The following POLR1A variants were observed in gnomAD, a reference collection of about 807,000 sequenced individuals.
POLR1A encodes RNA polymerase I subunit A, also known as DNA-directed RNA polymerase I subunit RPA1.
Under a neutral mutation model 205.3 loss-of-function variants are expected in POLR1A, and 84 were observed. The observed-to-expected ratio is 0.41, with a 90% CI of 0.34 to 0.49. The LOEUF is 0.49. Among genes scored for constraint, POLR1A ranks in the 20% least tolerant of loss-of-function variants. POLR1A has a pLI of 0.22. For missense variants in POLR1A, 1,645 were observed against 2,204.5 expected, an observed-to-expected ratio of 0.75 and a Z score of 5.08; for synonymous variants, 799 against 863.7, an observed-to-expected ratio of 0.93 and a Z score of 1.31.
At chr2:86,071,891 GGAAT>G (rs1439153373) in intron 12 of POLR1A, among the ~76,000 whole-genome samples, 1 of 152,188 alleles carries the variant, frequency 6.6e-6, no homozygotes, top group Non-Finnish European at 1.5e-5. Context: ...GTAGTACAAA[GGAAT>G]TATGAAGACT....
intron 33 of POLR1A, 130 bp downstream of exon 33, chr2:86,027,755 C>T (rs1342977079): frequency 2.0e-5 from 21 of 1,073,802 alleles, no homozygotes; most frequent in East Asian, 9.8e-5. Context: ...CCCCTCCAGC[C>T]GCCCCCGCTC....
At chr2:86,049,938 G>A (rs1472514542) in intron 16 of POLR1A, among the ~76,000 whole-genome samples, 4 of 151,354 alleles carry the variant, frequency 2.6e-5, no homozygotes, top group Non-Finnish European at 4.4e-5. Context: ...TGTTTTTTGA[G>A]ACTGAGTCTT....
At position 86,080,858 on chromosome 2, in the gene POLR1A, T is replaced by C; in HGVS notation, c.1044A>G (p.Glu348=). ...TGGCCACTTCCTCTGGCAACTTCTG[T>C]TCTTGGGCCATCAATGCCAGAAGTT... ...IRKLLALMAQ[E]QKLPEEVATP... Residue 348 remains glutamate (E), a synonymous_variant, in exon 9 of 34, where the codon GAA becomes GAG. Coordinates refer to ENST00000263857, the MANE Select transcript of POLR1A (RefSeq NM_015425.6). The C allele has an allele frequency of 6.2e-7, 1 of 1,614,016 alleles. No individual in the cohort carries two copies. The highest frequency in any genetic ancestry group is 8.5e-7 in the Non-Finnish European group (1 of 1,179,952).
At chr2:86,086,217 C>G (rs1352352375) in intron 6 of POLR1A, among the ~76,000 whole-genome samples, 1 of 152,196 alleles carries the variant, frequency 6.6e-6, no homozygotes, top group Non-Finnish European at 1.5e-5. Context: ...CGCCACCACA[C>G]CCGGCTAATT....
chr2:86,044,584 C>T (rs971465274), intron 21 of POLR1A, among the ~76,000 whole-genome samples: 7 of 152,244 alleles, frequency 4.6e-5, no homozygotes, highest in Non-Finnish European at 8.8e-5. Flanking sequence ...TCCCATCTAG[C>T]CCCAGCTGCT....
At chr2:86,097,802 G>A (rs764909499) in intron 3 of POLR1A, among the ~76,000 whole-genome samples, 1 of 152,176 alleles carries the variant, frequency 6.6e-6, no homozygotes, top group African/African-American at 2.4e-5. Context: ...AATTAGACAG[G>A]AGGAATAAAT....
At chr2:86,089,748 G>A in intron 4 of POLR1A, 74 bp downstream of exon 4, 1 of 950,212 alleles carries the variant, frequency 1.1e-6, no homozygotes, top group Non-Finnish European at 1.7e-6. Context: ...AGAAGTATAT[G>A]CAAAGGACAA....
chr2:86,064,655 T>C (rs923433742), intron 14 of POLR1A, among the ~76,000 whole-genome samples: 4 of 152,142 alleles, frequency 2.6e-5, no homozygotes, highest in Non-Finnish European at 5.9e-5. Flanking sequence ...CCAACAAATA[T>C]TACTATTACT....
intron 14 of POLR1A, among the ~76,000 whole-genome samples, chr2:86,055,830 C>G (rs1431195386): frequency 6.6e-6 from 1 of 152,226 alleles, no homozygotes; most frequent in Non-Finnish European, 1.5e-5. Flanking sequence ...CTAACATGCT[C>G]AATGATAGAA....
Position 86,028,492 on chromosome 2 carries a change from T to C in POLR1A, c.4897+102A>G, listed in dbSNP as rs745507929. On this transcript the variant is annotated intron_variant, in intron 32 of 33. Transcript: ENST00000263857. The surrounding 1 kb of genome is among the most constrained non-coding windows in gnomAD (Gnocchi z 4.5). ...TGCAGTGCCTGCCTTAGTGCTGGAC[T>C]GACTCGGTGCTGGACCGACACGGTC... 1.4e-5 allele frequency: 11 copies of C among 801,364 alleles called. No homozygotes were observed. The highest frequency in any genetic ancestry group is 2.0e-5 in the Non-Finnish European group (9 of 448,344). 49.6% of individuals were successfully genotyped at this position (801,364 alleles called of 1,614,324 possible). A position where few individuals can be genotyped will look rare whatever the true frequency, so the allele number is the denominator to read the frequency against.
chr2:86,102,008 A>G (rs1467905220), intron 1 of POLR1A, among the ~76,000 whole-genome samples: 5 of 152,202 alleles, frequency 3.3e-5, no homozygotes, highest in African/African-American at 1.2e-4. Flanking sequence ...TTGCATGTAT[A>G]TACCACATTT....
At chr2:86,051,044 T>C (rs1191206132) in intron 16 of POLR1A, among the ~76,000 whole-genome samples, 1 of 152,206 alleles carries the variant, frequency 6.6e-6, no homozygotes, top group Non-Finnish European at 1.5e-5. Flanking sequence ...CCAGCAATAA[T>C]GTGAAAATCT....
At chr2:86,044,345 C>G in intron 21 of POLR1A, 41 bp from the exon 22 acceptor site, 1 of 1,610,890 alleles carries the variant, frequency 6.2e-7, no homozygotes, top group South Asian at 1.1e-5. Flanking sequence ...CGGCCCATCA[C>G]CTCCCCAGGG....
intron 9 of POLR1A, among the ~76,000 whole-genome samples, chr2:86,079,397 T>G (rs757638631): frequency 6.6e-6 from 1 of 152,058 alleles, no homozygotes; most frequent in African/African-American, 2.4e-5. Context: ...GCCTAGACGG[T>G]GACTGGCAAG....
At chr2:86,104,801 A>T (rs1167332649) in intron 1 of POLR1A, among the ~76,000 whole-genome samples, 1 of 152,234 alleles carries the variant, frequency 6.6e-6, no homozygotes, top group Non-Finnish European at 1.5e-5. Flanking sequence ...TATGCATTTA[A>T]GATCTCTGTG....
chr2:86,075,087 C>A lies in POLR1A; in HGVS notation c.1554G>T (p.Val518=), dbSNP rs1673256587. The A allele has an allele frequency of 6.2e-7, 1 of 1,612,400 alleles. No homozygotes were observed. Among genetic ancestry groups the A allele is most frequent in the South Asian group, 1.1e-5 (1 of 90,854 alleles). Residue 518 remains valine (V), a synonymous_variant, in exon 12 of 34, where the codon GTG becomes GTT. Coordinates refer to ENST00000263857, the MANE Select transcript of POLR1A (RefSeq NM_015425.6). The stretch of plus-strand genomic sequence containing the variant: ...TGGCTGGGGTCAGAAGCTGCTTGGC[C>A]ACGGCCTCTCGCTGGGTCATGTCCA... ...SAVDMTQREA[V]AKQLLTPATG...
chr2:86,049,503 A>C (rs1672763847), intron 16 of POLR1A, among the ~76,000 whole-genome samples: 1 of 152,214 alleles, frequency 6.6e-6, no homozygotes. Context: ...TCGTATGGGT[A>C]GAAAGTAAAC....
chr2:86,088,167 G>A (rs1228349373), intron 6 of POLR1A, among the ~76,000 whole-genome samples: 1 of 152,172 alleles, frequency 6.6e-6, no homozygotes, highest in Non-Finnish European at 1.5e-5. Flanking sequence ...CTCATGTTTT[G>A]CTGAATTCTT....
chr2:86,042,210 T>G (rs1044055237), intron 23 of POLR1A, 107 bp from the exon 24 acceptor site: 4 of 786,646 alleles, frequency 5.1e-6, no homozygotes, highest in Non-Finnish European at 8.7e-6. Flanking sequence ...GAAAGAAACC[T>G]GATTGCAATG....
Sources: gnomAD v4.1 joint callset for allele counts (sites outside exome capture counted in the v4.1 genomes callset) on GRCh38, gnomAD v4.1.1 for gene constraint, Gnocchi (gnomAD v3.1) non-coding constraint, MANE v1.5 for transcripts, NCBI Gene and HGNC (gene_info 2026-07-23, HGNC 2026-07-21) for gene names.